Variants in GLIS3 observed in about 807,000 individuals in gnomAD.
The protein encoded by GLIS3 is GLIS family zinc finger 3.
A neutral mutation model predicts 78.6 loss-of-function variants in GLIS3; 53 were observed. The ratio of observed to expected loss-of-function variants is 0.67; its 90% CI spans 0.54 to 0.85. The LOEUF (loss-of-function observed/expected upper bound fraction) is 0.85, where lower values mean the gene tolerates loss of function less well. Among genes scored for constraint, GLIS3 ranks in the 40% least tolerant of loss-of-function variants. The probability of loss-of-function intolerance (pLI) is 0.00; values close to 1 mark genes in which losing one functional copy is unlikely to be tolerated. For synonymous variants in GLIS3, 684 were observed against 509.9 expected, an observed-to-expected ratio of 1.34 and a Z score of -4.60; for missense variants, 1,703 against 1,231.1, an observed-to-expected ratio of 1.38 and a Z score of -5.74.
intron 4 of GLIS3, among the ~76,000 whole-genome samples, chr9:3,956,908 G>A (rs879899279): frequency 6.6e-6 from 1 of 151,938 alleles, no homozygotes; most frequent in Non-Finnish European, 1.5e-5. Flanking sequence ...TCAATAACAA[G>A]AACAATCTAC....
intron 2 of GLIS3, among the ~76,000 whole-genome samples, chr9:4,278,296 T>G (rs997683305): frequency 6.6e-6 from 1 of 152,218 alleles, no homozygotes; most frequent in Non-Finnish European, 1.5e-5. Flanking sequence ...TTCAGCCAGT[T>G]TTCCAGATAT....
chr9:4,400,248 A>T, the GLIS3 span, among the ~76,000 whole-genome samples: 1 of 152,238 alleles, frequency 6.6e-6, no homozygotes, highest in Admixed American at 6.5e-5. Context: ...GAGGGCATGT[A>T]AAGAAAGATG....
At position 3,856,142 on chromosome 9, in the gene GLIS3, C is replaced by A; in HGVS notation, c.2340G>T (p.Arg780=). 2 of 1,614,090 alleles carry A rather than the reference C, an allele frequency of 1.2e-6. No individual in the cohort carries two copies. The highest frequency in any genetic ancestry group is 1.7e-6 in the Non-Finnish European group (2 of 1,180,010). ...GTATTGAAGAAGGAGCTGGAACTCT[C>A]CGGGGGCTGATGTGGTGAGGAGATG... is the stretch of plus-strand genomic sequence containing the variant. ...SAPSPHHISP[R]RVPAPSSILQ... is the part of the protein sequence containing the mutation. Residue 780 remains arginine, a synonymous_variant, in exon 9 of 11, where the codon CGG becomes CGT. Coordinates refer to ENST00000381971, the MANE Select transcript of GLIS3 (RefSeq NM_001042413.2).
chr9:4,143,433 G>T (rs552025682), intron 2 of GLIS3, among the ~76,000 whole-genome samples: 34 of 152,164 alleles, frequency 2.2e-4, no homozygotes, highest in African/African-American at 7.0e-4. Flanking sequence ...CGGGCATGGT[G>T]GTGGGTGCCT....
chr9:3,856,119 A>G lies in GLIS3; in HGVS notation c.2363T>C (p.Ile788Thr). 6.2e-7 allele frequency: 1 copy of G among 1,614,198 alleles called. No homozygotes were observed. The highest frequency in any genetic ancestry group is 8.5e-7 in the Non-Finnish European group (1 of 1,180,016). Residue 788 changes from isoleucine (I) to threonine (T), a missense_variant, in exon 9 of 11, where the codon ATA (isoleucine) becomes ACA (threonine). By Grantham distance (89) the Ile-to-Thr change is moderately conservative. Transcript: ENST00000381971. Reference protein sequence around the residue: ...SPRRVPAPSSILQRTQPPYTQ... With the variant: ...SPRRVPAPSSTLQRTQPPYTQ... ...ATAGGGAGGCTGTGTTCTTTGCAGT[A>G]TTGAAGAAGGAGCTGGAACTCTCCG...
chr9:4,240,079 G>C (rs546999326), intron 2 of GLIS3, among the ~76,000 whole-genome samples: 1 of 151,056 alleles, frequency 6.6e-6, no homozygotes, highest in Non-Finnish European at 1.5e-5. Flanking sequence ...GTAAGTAGTG[G>C]ACACATATTT....
chr9:4,413,268 T>C, the GLIS3 span, among the ~76,000 whole-genome samples: 4 of 152,322 alleles, frequency 2.6e-5, no homozygotes, highest in Admixed American at 2.0e-4. Flanking sequence ...TGAGATTGTA[T>C]ATGGCCATAC....
rs187835451 is a variant in GLIS3 at position 4,199,845 on chromosome 9, A to G, written c.389-73904T>C. 3.7e-4 allele frequency among the ~76,000 whole-genome samples: 56 copies of G among 152,286 alleles called. 2 individuals are homozygous for G. Among genetic ancestry groups the G allele is most frequent in the Admixed American group, 3.2e-3 (49 of 15,302 alleles). ...TGTACAGAATACTTCACCTTCAACG[A>G]AAGAATATATATTCTCTGCATCTAC... On this transcript the variant is annotated intron_variant, in intron 2 of 10. Transcript: ENST00000381971.
At chr9:3,870,035 GA>G (rs1301422620) in intron 8 of GLIS3, among the ~76,000 whole-genome samples, 1 of 152,094 alleles carries the variant, frequency 6.6e-6, no homozygotes, top group East Asian at 1.9e-4. Context: ...TTAAGACACG[GA>G]AAAAAGGAAA....
intron 2 of GLIS3, among the ~76,000 whole-genome samples, chr9:4,237,880 C>T (rs1822915683): frequency 6.6e-6 from 1 of 152,196 alleles, no homozygotes; most frequent in South Asian, 2.1e-4. Context: ...TTTGATGTGG[C>T]TTTAAACAAC....
the GLIS3 span, among the ~76,000 whole-genome samples, chr9:4,417,898 TGGTATATCTGTCAATATA>T: frequency 1.2e-4 from 18 of 152,208 alleles, no homozygotes; most frequent in Admixed American, 2.0e-4. Context: ...TAATGTGGAT[TGGTATATCTGTCAATATA>T]GGTTTAGGGG....
rs567403711 is a variant in GLIS3, at chr9:4,219,489, G to C, written c.388+66549C>G. ...TCCTATGCACATCAGGATACAAAAA[G>C]GGTTAAGAAGCACTCTAAACCACTG... is the stretch of plus-strand genomic sequence containing the variant. On this transcript the variant is annotated intron_variant, in intron 2 of 10. Transcript: ENST00000381971. 9.2e-5 allele frequency among the ~76,000 whole-genome samples: 14 copies of C among 152,194 alleles called. No individual in the cohort carries two copies. In the South Asian group the frequency reaches 2.5e-3, roughly 27 times the overall value.
At chr9:4,112,802 G>C (rs1259154467) in intron 4 of GLIS3, among the ~76,000 whole-genome samples, 4 of 152,064 alleles carry the variant, frequency 2.6e-5, no homozygotes, top group Non-Finnish European at 5.9e-5. Flanking sequence ...AGGCAGTAAA[G>C]TATACCAAAT....
At chr9:4,339,036 G>A (rs184214991) in intron 2 of GLIS3, among the ~76,000 whole-genome samples, 1 of 152,320 alleles carries the variant, frequency 6.6e-6, no homozygotes, top group Admixed American at 6.5e-5. Flanking sequence ...GACCCTCCTG[G>A]TGAGTTCATG....
intron 2 of GLIS3, among the ~76,000 whole-genome samples, chr9:4,157,135 G>A (rs139469949): frequency 0.011 from 1,717 of 152,272 alleles, 13 homozygotes; most frequent in Non-Finnish European, 0.017. Flanking sequence ...AGAAAGGTGC[G>A]TGCGGTAATT....
chr9:3,999,594 G>T (rs118025648), intron 4 of GLIS3, among the ~76,000 whole-genome samples: 7 of 151,980 alleles, frequency 4.6e-5, no homozygotes, highest in Non-Finnish European at 7.4e-5. Flanking sequence ...AATGTTCATT[G>T]AAAGACATTA....
intron 4 of GLIS3, among the ~76,000 whole-genome samples, chr9:4,306,580 C>A (rs1817233919): frequency 6.6e-6 from 1 of 152,192 alleles, no homozygotes; most frequent in Admixed American, 6.5e-5. Context: ...CAAATTCCTA[C>A]TGAAATAGGA....
intron 2 of GLIS3, among the ~76,000 whole-genome samples, chr9:4,338,647 TG>T (rs1453122977): frequency 2.0e-5 from 3 of 152,168 alleles, no homozygotes; most frequent in African/African-American, 7.2e-5. Context: ...GCATGAAGTT[TG>T]GGGACAGACC....
chr9:4,085,672 G>T (rs1189732953), intron 4 of GLIS3, among the ~76,000 whole-genome samples: 1 of 152,108 alleles, frequency 6.6e-6, no homozygotes, highest in Non-Finnish European at 1.5e-5. Context: ...TTTATCACGG[G>T]GGCGGATTTC....
Sources: gnomAD v4.1 joint callset for allele counts (sites outside exome capture counted in the v4.1 genomes callset) on GRCh38, gnomAD v4.1.1 for gene constraint, MANE v1.5 for transcripts, NCBI Gene and HGNC (gene_info 2026-07-23, HGNC 2026-07-21) for gene names.